Variants in ITGA1 observed in about 807,000 individuals in gnomAD.
ITGA1 encodes integrin alpha-1.
Under a neutral mutation model 145.9 loss-of-function variants are expected in ITGA1, and 85 were observed. The ratio of observed to expected loss-of-function variants is 0.58; its 90% CI spans 0.49 to 0.70. ITGA1 has a LOEUF of 0.70. ITGA1 is among the 30% of genes least tolerant of loss of function. The pLI is 0.00. For missense variants in ITGA1, 1,351 were observed against 1,418.7 expected, an observed-to-expected ratio of 0.95 and a Z score of 0.77; for synonymous variants, 520 against 495.3, an observed-to-expected ratio of 1.05 and a Z score of -0.66.
intron 2 of ITGA1, among the ~76,000 whole-genome samples, chr5:52,860,818 A>G (rs1294023505): frequency 6.6e-6 from 1 of 152,214 alleles, no homozygotes; most frequent in African/African-American, 2.4e-5. Context: ...TTTTCCATTA[A>G]TTACTGTTAG....
rs538659693 is a variant in ITGA1, at chr5:52,929,778, T to A, written c.2771+77T>A. The A allele has an allele frequency of 1.7e-5, 13 of 755,926 alleles. No individual in the cohort carries two copies. The Admixed American group carries it at 2.4e-4, about 14-fold the overall frequency. 46.8% of individuals were successfully genotyped at this position (755,926 alleles called of 1,614,324 possible). Reference sequence around the variant, plus strand: ...TGTGTATGTCGAATATTTTGCTCTATAAACTCACTGACAGTTTCTTCCAGG... The same window carrying A: ...TGTGTATGTCGAATATTTTGCTCTAAAAACTCACTGACAGTTTCTTCCAGG... On this transcript the variant is annotated intron_variant, in intron 21 of 28. Coordinates refer to ENST00000282588, the MANE Select transcript of ITGA1 (RefSeq NM_181501.2).
At chr5:52,898,406 A>G (rs964173740) in intron 11 of ITGA1, 23 bp downstream of exon 11, 1 of 1,559,672 alleles carries the variant, frequency 6.4e-7, no homozygotes, top group Non-Finnish European at 8.7e-7. Flanking sequence ...TATAATTATA[A>G]AAGAGTTGTT....
intron 17 of ITGA1, 73 bp from the exon 18 acceptor site, chr5:52,922,704 G>A: frequency 1.1e-6 from 1 of 934,626 alleles, no homozygotes; most frequent in East Asian, 2.4e-5. Context: ...GGGAACAGAA[G>A]AAGGAGACAT....
At chr5:52,801,877 C>G in intron 1 of ITGA1, 2 of 1,463,626 alleles carry the variant, frequency 1.4e-6, no homozygotes, top group South Asian at 1.3e-5. Context: ...CTTGTGTTTC[C>G]TAAACTGTTA....
At chr5:52,859,339 A>C (rs1749563104) in intron 2 of ITGA1, among the ~76,000 whole-genome samples, 2 of 152,172 alleles carry the variant, frequency 1.3e-5, no homozygotes, top group South Asian at 4.1e-4. Flanking sequence ...ATATAACACT[A>C]TGAGCATTAT....
At chr5:52,800,466 G>C (rs148212245) in intron 1 of ITGA1, 1 of 1,614,104 alleles carries the variant, frequency 6.2e-7, no homozygotes, top group South Asian at 1.1e-5. Context: ...AGGAGCCTGA[G>C]GACATGTGGC....
chr5:52,801,775 AT>A, intron 1 of ITGA1: 1 of 1,614,138 alleles, frequency 6.2e-7, no homozygotes, highest in South Asian at 1.1e-5. Flanking sequence ...GGTAGCTGCC[AT>A]TCTCCGCTTC....
chr5:52,851,329 A>T (rs984650135), intron 2 of ITGA1, among the ~76,000 whole-genome samples: 2 of 152,196 alleles, frequency 1.3e-5, no homozygotes, highest in African/African-American at 4.8e-5. Flanking sequence ...TCTTTTTAGA[A>T]GCCTTAGTGC....
At position 52,922,811 on chromosome 5, in the gene ITGA1, C is replaced by T. The variant is rs771880337; in HGVS notation, c.2327C>T (p.Thr776Met). Residue 776 changes from threonine to methionine, a missense_variant, in exon 18 of 29, where the codon ACG becomes ATG. By Grantham distance (81) the Thr-to-Met change is moderately conservative (BLOSUM62 -1). Transcript: ENST00000282588. ...KHDFQDSVRI[T>M]LDFNLTDPEN... ...GACTTTCAGGACTCTGTGAGAATAA[C>T]GTTGGACTTTAATCTTACCGATCCA... 9.9e-6 allele frequency: 16 copies of T among 1,612,862 alleles called. No individual in the cohort carries two copies. Among genetic ancestry groups the T allele is most frequent in the Admixed American group, 1.7e-5 (1 of 59,996 alleles).
intron 28 of ITGA1, among the ~76,000 whole-genome samples, chr5:52,949,517 C>G (rs1751186822): frequency 6.6e-6 from 1 of 152,156 alleles, no homozygotes; most frequent in African/African-American, 2.4e-5. Flanking sequence ...TAAAGTGACT[C>G]TCCCATGATT....
intron 22 of ITGA1, chr5:52,932,670 A>G (rs1295869184): frequency 2.6e-5 from 4 of 152,142 alleles, no homozygotes; most frequent in Non-Finnish European, 5.9e-5. Flanking sequence ...TTCCCTCTAT[A>G]ATTTCCCCTG....
chr5:52,944,306 T>C (rs1751098164), intron 26 of ITGA1, among the ~76,000 whole-genome samples: 1 of 151,980 alleles, frequency 6.6e-6, no homozygotes, highest in Non-Finnish European at 1.5e-5. Flanking sequence ...GTGGCAAGAG[T>C]GAGCTGTCCC....
intron 20 of ITGA1, among the ~76,000 whole-genome samples, chr5:52,928,913 C>T (rs1222267990): frequency 6.6e-6 from 1 of 152,162 alleles, no homozygotes; most frequent in Non-Finnish European, 1.5e-5. Context: ...TGGTGATTAT[C>T]TCTCACTTTT....
intron 1 of ITGA1, chr5:52,803,926 T>C (rs563276213): frequency 6.6e-6 from 1 of 152,258 alleles, no homozygotes; most frequent in East Asian, 1.9e-4. Context: ...AAGATTTGAG[T>C]ATTAAGGTCT....
At chr5:52,872,909 G>A (rs899005031) in intron 6 of ITGA1, among the ~76,000 whole-genome samples, 4 of 152,134 alleles carry the variant, frequency 2.6e-5, no homozygotes, top group Admixed American at 1.3e-4. Flanking sequence ...GCAACCGTGA[G>A]AGCACATTTC....
At chr5:52,819,871 G>C (rs1261816336) in intron 1 of ITGA1, among the ~76,000 whole-genome samples, 2 of 152,264 alleles carry the variant, frequency 1.3e-5, no homozygotes, top group East Asian at 3.9e-4. Context: ...CATATGGCTA[G>C]CCAGTTTTCC....
Position 52,933,983 on chromosome 5 carries a change from A to C in ITGA1, c.2951A>C (p.Asn984Thr). The change falls in exon 23 of 29, where the codon AAT becomes ACT. Residue 984 changes from asparagine (N) to threonine (T), a missense_variant. Asn to Thr is a moderately conservative substitution (Grantham distance 65). Coordinates refer to ENST00000282588, the MANE Select transcript of ITGA1 (RefSeq NM_181501.2). The part of the protein sequence containing the change: ...NSTEDIGNEI[N>T]IFYLIRKSGS... ...ACTGAGGACATTGGAAATGAAATTA[A>C]TATCTTCTACTTGGTAAGAAATTAC... The C allele has an allele frequency of 7.0e-7, 1 of 1,432,906 alleles. No individual in the cohort carries two copies. The highest frequency in any genetic ancestry group is 9.5e-7 in the Non-Finnish European group (1 of 1,055,464). 88.8% of individuals were successfully genotyped at this position (1,432,906 alleles called of 1,614,324 possible).
At chr5:52,942,286 A>G (rs1334537243) in intron 26 of ITGA1, among the ~76,000 whole-genome samples, 1 of 152,138 alleles carries the variant, frequency 6.6e-6, no homozygotes, top group East Asian at 1.9e-4. Context: ...CATGAATTTT[A>G]GAATAGTTTT....
At chr5:52,945,321 T>C (rs2111908188) in intron 27 of ITGA1, among the ~76,000 whole-genome samples, 1 of 152,322 alleles carries the variant, frequency 6.6e-6, no homozygotes, top group South Asian at 2.1e-4. Context: ...TTCACTTTGA[T>C]AACAAATGAT....
Sources: gnomAD v4.1 joint callset for allele counts (sites outside exome capture counted in the v4.1 genomes callset) on GRCh38, gnomAD v4.1.1 for gene constraint, MANE v1.5 for transcripts, NCBI Gene and HGNC (gene_info 2026-07-23, HGNC 2026-07-21) for gene names.